The following RCBTB1 variants were observed in gnomAD, a reference collection of about 807,000 sequenced individuals.
The protein encoded by RCBTB1 is RCC1 and BTB domain containing protein 1.
RCBTB1 carries 46 observed loss-of-function variants against 62.4 expected under a neutral mutation model. That is an observed-to-expected ratio of 0.74 (90% CI 0.58 to 0.94). The LOEUF (loss-of-function observed/expected upper bound fraction) is 0.94. Ranked by LOEUF, RCBTB1 falls within the 40% of genes least tolerant of loss-of-function variation. RCBTB1 has a pLI of 0.00. For synonymous variants in RCBTB1, 222 were observed against 245.8 expected, an observed-to-expected ratio of 0.90 and a Z score of 0.91; for missense variants, 565 against 654.9, an observed-to-expected ratio of 0.86 and a Z score of 1.50.
chr13:49,547,034 A>G (rs1043735289), intron 9 of RCBTB1: 2 of 1,203,916 alleles, frequency 1.7e-6, no homozygotes, highest in South Asian at 3.0e-5. Context: ...GAAGCCTTTT[A>G]TAACAAGTCC....
chr13:49,545,953 T>G, intron 9 of RCBTB1: 1 of 272,406 alleles, frequency 3.7e-6, no homozygotes, highest in Non-Finnish European at 5.6e-6. Context: ...CTAAGCCCTG[T>G]GACCTTAACT....
At chr13:49,568,033 C>T (rs1963143174) in intron 2 of RCBTB1, among the ~76,000 whole-genome samples, 2 of 152,306 alleles carry the variant, frequency 1.3e-5, no homozygotes, top group South Asian at 2.1e-4. Flanking sequence ...TATCATCCCT[C>T]CCTGACCCTC....
At chr13:49,551,735 C>A (rs1961366130) in intron 7 of RCBTB1, among the ~76,000 whole-genome samples, 1 of 152,092 alleles carries the variant, frequency 6.6e-6, no homozygotes, top group Non-Finnish European at 1.5e-5. Context: ...CCCGTCTCTA[C>A]TAAAAATACA....
chr13:49,567,136 G>GT lies in RCBTB1; in HGVS notation c.126+17dup. 2 of 1,612,438 alleles carry GT rather than the reference G, an allele frequency of 1.2e-6. No individual in the cohort carries two copies. Among genetic ancestry groups the GT allele is most frequent in the Non-Finnish European group, 1.7e-6 (2 of 1,179,110 alleles). On this transcript the variant is annotated intron_variant, in intron 3 of 12. Transcript: ENST00000378302. Reference sequence around the variant, plus strand: ...CAAATAAGTCCTAAAACGAAACTAGGTTTCAAGAGACTCTTACCTCATCAT... The same window carrying GT: ...CAAATAAGTCCTAAAACGAAACTAGGTTTTCAAGAGACTCTTACCTCATCAT...
At position 49,534,004 on chromosome 13, in the gene RCBTB1, G is replaced by A; in HGVS notation, c.*118C>T. On this transcript the variant is annotated 3_prime_UTR_variant, in exon 13 of 13. Transcript: ENST00000378302. The stretch of plus-strand genomic sequence containing the variant: ...ACACAAACAACTGTGTCCCAGATGT[G>A]GAAAAAAACAACCTGATGGTCTTTT... 9.1e-7 allele frequency: 1 copy of A among 1,104,310 alleles called. No individual in the cohort carries two copies. The allele number at this position is 1,104,310 out of a possible 1,614,324, so 68.4% of individuals were successfully genotyped here.
intron 9 of RCBTB1, chr13:49,547,134 C>T: frequency 1.6e-6 from 2 of 1,276,990 alleles, no homozygotes; most frequent in Non-Finnish European, 2.0e-6. Flanking sequence ...CAAATAGTCC[C>T]ATTCAGTGAA....
intron 2 of RCBTB1, among the ~76,000 whole-genome samples, chr13:49,569,441 G>T (rs1192827561): frequency 6.7e-6 from 1 of 148,688 alleles, no homozygotes; most frequent in Admixed American, 6.7e-5. Flanking sequence ...GCCAGGCACG[G>T]TAGCTCACTC....
At chr13:49,544,338 G>A (rs955658902) in intron 10 of RCBTB1, among the ~76,000 whole-genome samples, 13 of 152,060 alleles carry the variant, frequency 8.5e-5, no homozygotes, top group South Asian at 2.1e-4. Flanking sequence ...GCATGGTGGC[G>A]CCTGCCTGTA....
chr13:49,549,625 T>C lies in RCBTB1; in HGVS notation c.878A>G (p.His293Arg), dbSNP rs780919658. The change falls in exon 9 of 13, where the codon CAC (histidine) becomes CGC (arginine). Residue 293 changes from histidine (H) to arginine (R), a missense_variant. Coordinates refer to ENST00000378302, the MANE Select transcript of RCBTB1 (RefSeq NM_018191.4). ...CTTGGCTGCAGACGTGTGGGCAGAG[T>C]GACAGGCTGCAATCTCTACCACCCT... is the stretch of plus-strand genomic sequence containing the variant. Reference protein sequence around the residue: ...KERVVEIAACHSAHTSAAKTQ... With the variant: ...KERVVEIAACRSAHTSAAKTQ... 2 of 1,611,750 alleles carry C rather than the reference T, an allele frequency of 1.2e-6. No homozygotes were observed. The highest frequency in any genetic ancestry group is 1.7e-6 in the Non-Finnish European group (2 of 1,178,850).
intron 1 of RCBTB1, among the ~76,000 whole-genome samples, chr13:49,584,507 T>C (rs1964282213): frequency 1.3e-5 from 2 of 152,222 alleles, no homozygotes; most frequent in South Asian, 4.1e-4. Flanking sequence ...AAATGAGTAC[T>C]CTAAAGTTTA....
Position 49,541,770 on chromosome 13 carries a change from C to T in RCBTB1, c.1230G>A (p.Val410=). ...GGTAAGAAAACTGATCGATTTCTAT[C>T]ACTTCCTTCATGTCTTCATTCCAAT... is the stretch of plus-strand genomic sequence containing the variant. ...QSYWNEDMKE[V]IEIDQFSYPV... The change falls in exon 11 of 13, where the codon GTG becomes GTA. Residue 410 remains valine, a synonymous_variant. Transcript: ENST00000378302. 1 of 1,614,104 alleles carries T rather than the reference C, an allele frequency of 6.2e-7. No homozygotes were observed. Among genetic ancestry groups the T allele is most frequent in the Non-Finnish European group, 8.5e-7 (1 of 1,180,016 alleles).
At chr13:49,542,855 C>G (rs189187520) in intron 10 of RCBTB1, among the ~76,000 whole-genome samples, 18 of 152,266 alleles carry the variant, frequency 1.2e-4, no homozygotes, top group Non-Finnish European at 1.5e-5. Flanking sequence ...ACAAAGCCAC[C>G]TGCACAAGAA....
intron 12 of RCBTB1, chr13:49,539,377 G>A (rs1303060923): frequency 6.6e-6 from 1 of 152,208 alleles, no homozygotes; most frequent in Non-Finnish European, 1.5e-5. Flanking sequence ...GAAATGACCT[G>A]CTGGCACAGG....
At chr13:49,566,574 T>C (rs1485618079) in intron 4 of RCBTB1, 44 bp downstream of exon 4, 7 of 1,587,300 alleles carry the variant, frequency 4.4e-6, no homozygotes, top group Non-Finnish European at 6.0e-6. Flanking sequence ...AATTAACCGG[T>C]CAATTTCTTA....
chr13:49,547,854 C>T (rs1047997646), intron 9 of RCBTB1, among the ~76,000 whole-genome samples: 1 of 152,012 alleles, frequency 6.6e-6, no homozygotes, highest in Non-Finnish European at 1.5e-5. Flanking sequence ...AGTGGTGCGA[C>T]CACAGTTCAC....
In RCBTB1 at chr13:49,542,898, T is replaced by C. The variant is rs1328914394; in HGVS notation, c.1173-1071A>G. On this transcript the variant is annotated intron_variant, in intron 10 of 12. Coordinates refer to ENST00000378302, the MANE Select transcript of RCBTB1 (RefSeq NM_018191.4). The stretch of plus-strand genomic sequence containing the variant: ...TCTGAATATTGGATTTTCTTATGTA[T>C]AACACAGTTGTATCTTTCTAAAAAT... Among the ~76,000 whole-genome samples, 12 of 152,348 alleles carry C rather than the reference T, an allele frequency of 7.9e-5. No individual in the cohort carries two copies. In the East Asian group the frequency reaches 1.7e-3, roughly 22 times the overall value.
chr13:49,567,041 C>T (rs559169502), intron 3 of RCBTB1, 113 bp downstream of exon 3: 44 of 1,006,878 alleles, frequency 4.4e-5, no homozygotes, highest in Admixed American at 3.0e-4. Context: ...TCTTCCTGAA[C>T]TTCAGGATCT....
At chr13:49,559,805 C>G in intron 5 of RCBTB1, 113 bp downstream of exon 5, 1 of 942,614 alleles carries the variant, frequency 1.1e-6, no homozygotes, top group Non-Finnish European at 1.5e-6. Flanking sequence ...GGTGAACATA[C>G]TTAACACCAC....
At chr13:49,568,561 C>T (rs998806714) in intron 2 of RCBTB1, among the ~76,000 whole-genome samples, 1 of 152,024 alleles carries the variant, frequency 6.6e-6, no homozygotes, top group African/African-American at 2.4e-5. Flanking sequence ...TCCCACACAG[C>T]GTACTCTCAC....
Sources: allele counts gnomAD v4.1 joint callset (sites outside exome capture counted in the v4.1 genomes callset), GRCh38; gene constraint gnomAD v4.1.1; transcripts MANE v1.5; gene names NCBI Gene and HGNC (gene_info 2026-07-23, HGNC 2026-07-21).